SYNE1: variants seen among roughly 807,000 people sequenced by gnomAD.
The protein encoded by SYNE1 is spectrin repeat containing nuclear envelope protein 1.
A neutral mutation model predicts 1,111.0 loss-of-function variants in SYNE1; 616 were observed. That is an observed-to-expected ratio of 0.55 (90% CI 0.52 to 0.59). The LOEUF (loss-of-function observed/expected upper bound fraction) is 0.59. Among genes scored for constraint, SYNE1 ranks in the 20% least tolerant of loss-of-function variants. SYNE1 has a pLI of 0.00. For synonymous variants in SYNE1, 3,855 were observed against 3,825.8 expected (o/e 1.01, Z -0.28); for missense variants, 10,006 against 10,417.0 (o/e 0.96, Z 1.72).
At chr6:152,551,191 A>C (rs1422138221) in intron 3 of SYNE1, among the ~76,000 whole-genome samples, 3 of 152,156 alleles carry the variant, frequency 2.0e-5, no homozygotes, top group African/African-American at 7.2e-5. Flanking sequence ...ACTTGAACTT[A>C]TTCATGTTTT....
chr6:152,242,585 G>A (rs920185704), intron 106 of SYNE1, 145 bp from the exon 107 acceptor site: 8 of 790,324 alleles, frequency 1.0e-5, no homozygotes, highest in Non-Finnish European at 1.7e-5. Context: ...TCTACCTGTA[G>A]GCCATCTGCT....
chr6:152,243,953 C>T (rs1391590467), intron 106 of SYNE1, among the ~76,000 whole-genome samples: 4 of 152,154 alleles, frequency 2.6e-5, no homozygotes, highest in Non-Finnish European at 5.9e-5. Flanking sequence ...AGGAAATTAA[C>T]CCAAAGCATT....
chr6:152,467,159 A>G (rs1033837660), intron 16 of SYNE1, among the ~76,000 whole-genome samples: 4 of 152,152 alleles, frequency 2.6e-5, no homozygotes, highest in Non-Finnish European at 4.4e-5. Flanking sequence ...TAAATTAACT[A>G]TTCTTCAGGG....
In SYNE1 at chr6:152,211,416, C is replaced by T. The variant is rs1484141752; in HGVS notation, c.22589+78G>A. ...TTGCCTCAGGAAGATTGGATATATGCCCTCCAATCTGCTCATTAAAAAGAA... is the reference window on the plus strand; with the variant it reads ...TTGCCTCAGGAAGATTGGATATATGTCCTCCAATCTGCTCATTAAAAAGAA... On this transcript the variant is annotated intron_variant, in intron 124 of 145. Coordinates refer to ENST00000367255, the MANE Select transcript of SYNE1 (RefSeq NM_182961.4). The T allele has an allele frequency of 3.4e-6, 4 of 1,185,410 alleles. No homozygotes were observed. The East Asian group carries it at 7.2e-5, about 21-fold the overall frequency. 73.4% of individuals were successfully genotyped at this position (1,185,410 alleles called of 1,614,324 possible).
In SYNE1 at chr6:152,416,475, C is replaced by T; in HGVS notation, c.5962G>A (p.Glu1988Lys). 2.5e-6 allele frequency: 4 copies of T among 1,614,132 alleles called. No homozygotes were observed. Among genetic ancestry groups the T allele is most frequent in the Non-Finnish European group, 3.4e-6 (4 of 1,180,020 alleles). Residue 1988 changes from glutamate to lysine, a missense_variant, in exon 41 of 146, where the codon GAG (glutamate) becomes AAG (lysine). Glu to Lys is a moderately conservative substitution (Grantham distance 56, BLOSUM62 1). This residue lies in a region of SYNE1 where 4,955 missense variants were observed against 5,017.2 expected (regional missense o/e 0.99). Coordinates refer to ENST00000367255, the MANE Select transcript of SYNE1 (RefSeq NM_182961.4). ...TCCTCAATGCTTTTCAGAAGCTCCT[C>T]TTTCTGGTCTTGGAATGCTTTTTTC... is the stretch of plus-strand genomic sequence containing the variant. ...VLKKAFQDQK[E>K]ELLKSIEDIE... is the part of the protein sequence containing the mutation.
intron 100 of SYNE1, among the ~76,000 whole-genome samples, chr6:152,264,324 A>T (rs2092448606): frequency 6.6e-6 from 1 of 152,012 alleles, no homozygotes; most frequent in Non-Finnish European, 1.5e-5. Context: ...GTGTCATCTA[A>T]AAGGAATACT....
intron 97 of SYNE1, among the ~76,000 whole-genome samples, chr6:152,281,365 CCT>C (rs1466336519): frequency 2.6e-4 from 39 of 152,286 alleles, no homozygotes; most frequent in Non-Finnish European, 5.0e-4. Flanking sequence ...CTTCAGTCTC[CCT>C]GTTTGCCTAA....
intron 138 of SYNE1, among the ~76,000 whole-genome samples, chr6:152,142,094 TAAGC>T (rs1371699968): frequency 6.6e-6 from 1 of 151,974 alleles, no homozygotes; most frequent in Non-Finnish European, 1.5e-5. Flanking sequence ...AAAAATTAAA[TAAGC>T]AAAGTTCAAA....
In SYNE1 at chr6:152,179,673, C is replaced by CTTTTTTTTTTTTTTTTTTTTTT. The variant is rs796260764; in HGVS notation, c.23460+441_23460+462dup. The stretch of plus-strand genomic sequence containing the variant: ...GCAAGTTTATTTTATGCTGGATATC[C>CTTTTTTTTTTTTTTTTTTTTTT]TTTTTTTTTTTTTTTTTTTTTTTTT... On this transcript the variant is annotated intron_variant, in intron 129 of 145. Coordinates refer to ENST00000367255, the MANE Select transcript of SYNE1 (RefSeq NM_182961.4). Among the ~76,000 whole-genome samples, 19 of 55,104 alleles carry CTTTTTTTTTTTTTTTTTTTTTT rather than the reference C, an allele frequency of 3.4e-4. 2 individuals are homozygous for CTTTTTTTTTTTTTTTTTTTTTT. The highest frequency in any genetic ancestry group is 1.4e-3 in the East Asian group (2 of 1,450). The allele number at this position is 55,104 out of a possible 152,430, so 36.2% of individuals were successfully genotyped here. A position where few individuals can be genotyped will look rare whatever the true frequency, so the allele number is the denominator to read the frequency against.
At chr6:152,553,374 C>T (rs767779197) in intron 3 of SYNE1, among the ~76,000 whole-genome samples, 2 of 152,232 alleles carry the variant, frequency 1.3e-5, no homozygotes, top group Non-Finnish European at 2.9e-5. Flanking sequence ...ATGAGGAAAC[C>T]GTGTCAGAAA....
chr6:152,361,817 G>A (rs886893836), intron 64 of SYNE1, among the ~76,000 whole-genome samples: 6 of 146,142 alleles, frequency 4.1e-5, no homozygotes, highest in African/African-American at 1.5e-4. Context: ...TATGACGAAT[G>A]CACAAAAGAT....
chr6:152,170,138 A>T (rs550302998), intron 130 of SYNE1, among the ~76,000 whole-genome samples: 2 of 152,058 alleles, frequency 1.3e-5, no homozygotes, highest in Non-Finnish European at 1.5e-5. Flanking sequence ...AAAATTTGAA[A>T]TTTTTTTCAT....
intron 93 of SYNE1, among the ~76,000 whole-genome samples, chr6:152,296,198 A>G (rs1000042618): frequency 6.6e-6 from 1 of 152,232 alleles, no homozygotes; most frequent in Non-Finnish European, 1.5e-5. Flanking sequence ...CCAGACCTCT[A>G]GCATTCAATA....
At chr6:152,181,767 G>A (rs1368624667) in intron 128 of SYNE1, among the ~76,000 whole-genome samples, 2 of 152,040 alleles carry the variant, frequency 1.3e-5, no homozygotes, top group Non-Finnish European at 2.9e-5. Flanking sequence ...AAACATTTGT[G>A]CACAAGTGTT....
chr6:152,433,529 T>A, intron 34 of SYNE1: 1 of 489,392 alleles, frequency 2.0e-6, no homozygotes, highest in Admixed American at 3.4e-5. Context: ...AAAGAATTAA[T>A]GTAACCATAA....
At chr6:152,436,667 A>T (rs1212131674) in intron 32 of SYNE1, among the ~76,000 whole-genome samples, 1 of 152,120 alleles carries the variant, frequency 6.6e-6, no homozygotes, top group Non-Finnish European at 1.5e-5. Flanking sequence ...ACTCACAAAA[A>T]TTGTTTCTCC....
At position 152,213,316 on chromosome 6, in the gene SYNE1, G is replaced by T. The variant is rs555730989; in HGVS notation, c.22494+296C>A. Reference sequence around the variant, plus strand: ...GAAAATTGTCTAACTATCTATACACGTTCCACCAACTTTGCCTGTCTCGAG... The same window carrying T: ...GAAAATTGTCTAACTATCTATACACTTTCCACCAACTTTGCCTGTCTCGAG... On this transcript the variant is annotated intron_variant, in intron 123 of 145. Coordinates refer to ENST00000367255, the MANE Select transcript of SYNE1 (RefSeq NM_182961.4). 3.9e-5 allele frequency among the ~76,000 whole-genome samples: 6 copies of T among 152,176 alleles called. No homozygotes were observed. The East Asian group carries it at 1.2e-3, about 29-fold the overall frequency.
At chr6:152,576,146 G>A (rs187401876) in intron 3 of SYNE1, among the ~76,000 whole-genome samples, 251 of 152,250 alleles carry the variant, frequency 1.6e-3, no homozygotes, top group African/African-American at 5.7e-3. Flanking sequence ...TCTAATCTGC[G>A]TTAGCTGCTT....
intron 72 of SYNE1, 85 bp downstream of exon 72, chr6:152,350,083 C>A: frequency 3.3e-6 from 5 of 1,519,146 alleles, no homozygotes; most frequent in Non-Finnish European, 4.6e-6. Flanking sequence ...TGTGCACCCC[C>A]ACACATGCAC....
Sources: allele counts gnomAD v4.1 joint callset (sites outside exome capture counted in the v4.1 genomes callset), GRCh38; gene constraint gnomAD v4.1.1; regional missense constraint gnomAD v4.1.1; transcripts MANE v1.5; gene names NCBI Gene and HGNC (gene_info 2026-07-23, HGNC 2026-07-21).